The following PELI2 variants were observed in gnomAD, a reference collection of about 807,000 sequenced individuals.
PELI2 encodes E3 ubiquitin-protein ligase pellino homolog 2.
Under a neutral mutation model 42.3 loss-of-function variants are expected in PELI2, and 23 were observed. The observed-to-expected ratio is 0.54, with a 90% CI of 0.39 to 0.77. The LOEUF is 0.77. Among genes scored for constraint, PELI2 ranks in the 30% least tolerant of loss-of-function variants. PELI2 has a pLI of 0.00. For missense variants in PELI2, 463 were observed against 553.2 expected (o/e 0.84, Z 1.64); for synonymous variants, 245 against 212.2 (o/e 1.15, Z -1.34).
At chr14:56,261,002 T>A (rs528781738) in intron 2 of PELI2, among the ~76,000 whole-genome samples, 137 of 152,098 alleles carry the variant, frequency 9.0e-4, no homozygotes, top group Non-Finnish European at 1.7e-3. Context: ...CTCTAGATAT[T>A]TGAAGGACTC....
intron 1 of PELI2, among the ~76,000 whole-genome samples, chr14:56,155,833 C>T (rs1480933044): frequency 1.3e-5 from 2 of 152,114 alleles, no homozygotes; most frequent in African/African-American, 2.4e-5. Flanking sequence ...TCCGCCCCCC[C>T]TCAGCCTCCT....
chr14:56,229,163 G>A (rs182360168), intron 2 of PELI2, among the ~76,000 whole-genome samples: 1 of 152,346 alleles, frequency 6.6e-6, no homozygotes, highest in Non-Finnish European at 1.5e-5. Context: ...CCACCTGTGG[G>A]GGCAGGGAAT....
At chr14:56,174,086 A>G (rs1265566731) in intron 1 of PELI2, among the ~76,000 whole-genome samples, 2 of 152,204 alleles carry the variant, frequency 1.3e-5, no homozygotes, top group Admixed American at 1.3e-4. Flanking sequence ...TATTTTAAGT[A>G]GAGACAGGGT....
At chr14:56,285,094 G>A (rs1044010456) in intron 3 of PELI2, among the ~76,000 whole-genome samples, 2 of 152,164 alleles carry the variant, frequency 1.3e-5, no homozygotes, top group Admixed American at 6.5e-5. Context: ...GTTTTTGTAC[G>A]ATTTCTCAAA....
At chr14:56,121,222 C>T (rs1163508843) in intron 1 of PELI2, among the ~76,000 whole-genome samples, 2 of 147,998 alleles carry the variant, frequency 1.4e-5, no homozygotes, top group Non-Finnish European at 3.0e-5. Context: ...AGAAGCTTTG[C>T]TTGTCAAATT....
chr14:56,259,451 A>G (rs1860762759), intron 2 of PELI2, among the ~76,000 whole-genome samples: 1 of 152,176 alleles, frequency 6.6e-6, no homozygotes, highest in Admixed American at 6.6e-5. Flanking sequence ...AGAGGAGACC[A>G]TAAGATTCTT....
intron 1 of PELI2, among the ~76,000 whole-genome samples, chr14:56,171,671 G>A (rs1885173853): frequency 1.3e-5 from 2 of 152,168 alleles, no homozygotes; most frequent in East Asian, 3.9e-4. Flanking sequence ...ATAGGCAGGG[G>A]AAGATTTGGT....
intron 2 of PELI2, among the ~76,000 whole-genome samples, chr14:56,215,631 T>A (rs1001508231): frequency 1.3e-5 from 2 of 152,274 alleles, no homozygotes; most frequent in African/African-American, 2.4e-5. Context: ...AATTTAACTC[T>A]ACATTTTGGT....
intron 1 of PELI2, among the ~76,000 whole-genome samples, chr14:56,123,978 G>T (rs1467843656): frequency 1.3e-5 from 2 of 152,058 alleles, no homozygotes; most frequent in African/African-American, 4.8e-5. Flanking sequence ...AGACCTCATT[G>T]GTATGGGAGA....
intron 1 of PELI2, among the ~76,000 whole-genome samples, chr14:56,151,430 A>G (rs1884348838): frequency 6.6e-6 from 1 of 152,226 alleles, no homozygotes; most frequent in Admixed American, 6.5e-5. Context: ...CTGTTCTAGA[A>G]CAACATTACT....
At chr14:56,192,194 T>A (rs1047152523) in intron 2 of PELI2, among the ~76,000 whole-genome samples, 2 of 152,250 alleles carry the variant, frequency 1.3e-5, no homozygotes, top group African/African-American at 4.8e-5. Context: ...TACTGTTGTT[T>A]TTGAAAAATG....
intron 2 of PELI2, among the ~76,000 whole-genome samples, chr14:56,257,980 A>G (rs1594690987): frequency 1.3e-5 from 2 of 152,200 alleles, no homozygotes; most frequent in South Asian, 4.1e-4. Flanking sequence ...GTTTGTGTGC[A>G]TGGTGAAGCG....
chr14:56,142,340 C>G (rs1883944210), intron 1 of PELI2, among the ~76,000 whole-genome samples: 1 of 152,152 alleles, frequency 6.6e-6, no homozygotes, highest in Non-Finnish European at 1.5e-5. Context: ...CCCACCGAGC[C>G]ATTAGGCTCC....
intron 1 of PELI2, among the ~76,000 whole-genome samples, chr14:56,128,015 G>A (rs1331429265): frequency 6.6e-6 from 1 of 152,046 alleles, no homozygotes. Context: ...TTCTGCATGG[G>A]TATATTAAAA....
intron 2 of PELI2, among the ~76,000 whole-genome samples, chr14:56,235,153 T>C (rs1887743095): frequency 6.6e-6 from 1 of 151,568 alleles, no homozygotes; most frequent in Admixed American, 6.6e-5. Flanking sequence ...TAATTACTTT[T>C]AATGGCAAAA....
chr14:56,218,353 C>T (rs1405455013), intron 2 of PELI2, among the ~76,000 whole-genome samples: 6 of 152,228 alleles, frequency 3.9e-5, no homozygotes, highest in African/African-American at 1.4e-4. Flanking sequence ...AAGAATTGCA[C>T]TTTCTTCTTA....
chr14:56,119,815 CCTT>C (rs1882997471), intron 1 of PELI2: 9 of 985,008 alleles, frequency 9.1e-6, no homozygotes, highest in African/African-American at 3.5e-5. Context: ...GCGCTTTTGT[CCTT>C]CTGCGTTGAA....
At chr14:56,216,080 G>A (rs946481554) in intron 2 of PELI2, among the ~76,000 whole-genome samples, 2 of 152,160 alleles carry the variant, frequency 1.3e-5, no homozygotes, top group Admixed American at 6.5e-5. Context: ...AGCATTTAAT[G>A]TTGCTTTATT....
At chr14:56,243,317 C>T (rs1888041209) in intron 2 of PELI2, among the ~76,000 whole-genome samples, 1 of 152,150 alleles carries the variant, frequency 6.6e-6, no homozygotes, top group South Asian at 2.1e-4. Context: ...TAAGCAGATT[C>T]CAGCTGTGAG....
Sources: allele counts gnomAD v4.1 joint callset (sites outside exome capture counted in the v4.1 genomes callset), GRCh38; gene constraint gnomAD v4.1.1; transcripts MANE v1.5; gene names NCBI Gene and HGNC (gene_info 2026-07-23, HGNC 2026-07-21).